The following ASCC3 variants were observed in gnomAD, a reference collection of about 807,000 sequenced individuals.
ASCC3 encodes the protein activating signal cointegrator 1 complex subunit 3, also known as ASC-1 complex subunit P200.
A neutral mutation model predicts 256.3 loss-of-function variants in ASCC3; 158 were observed. The observed-to-expected ratio is 0.62, with a 90% CI of 0.54 to 0.70. The LOEUF is 0.70. Among genes scored for constraint, ASCC3 ranks in the 30% least tolerant of loss-of-function variants. The pLI is 0.00. For missense variants in ASCC3, 2,259 were observed against 2,626.0 expected (o/e 0.86, Z 3.05); for synonymous variants, 948 against 883.4 (o/e 1.07, Z -1.30).
At chr6:100,574,448 A>C (rs1431957823) in intron 36 of ASCC3, among the ~76,000 whole-genome samples, 1 of 152,208 alleles carries the variant, frequency 6.6e-6, no homozygotes, top group Admixed American at 6.6e-5. Flanking sequence ...GAGTTTTTAT[A>C]TTATTTTTCC....
In ASCC3 at chr6:100,819,942, A is replaced by G. The variant is rs1348465059; in HGVS notation, c.802-14062T>C. Among the ~76,000 whole-genome samples, 4 of 152,132 alleles carry G rather than the reference A, an allele frequency of 2.6e-5. No homozygotes were observed. The South Asian group carries it at 6.2e-4, about 24-fold the overall frequency. On this transcript the variant is annotated intron_variant, in intron 4 of 41. Coordinates refer to ENST00000369162, the MANE Select transcript of ASCC3 (RefSeq NM_006828.4). ...AAAAAAATCAAACAAAGGAAGTATA[A>G]GAGTTCTACACTAAAAACTACAAAT...
intron 36 of ASCC3, among the ~76,000 whole-genome samples, chr6:100,554,494 G>A (rs1220163443): frequency 6.6e-6 from 1 of 152,160 alleles, no homozygotes; most frequent in Non-Finnish European, 1.5e-5. Context: ...TGCTCGATGT[G>A]AGACTAAAGA....
Position 100,625,029 on chromosome 6 carries a change from G to A in ASCC3, c.4785+163C>T, listed in dbSNP as rs1774155375. Among the ~76,000 whole-genome samples, 8 of 152,074 alleles carry A rather than the reference G, an allele frequency of 5.3e-5. No homozygotes were observed. In the South Asian group the frequency reaches 1.7e-3, roughly 32 times the overall value. On this transcript the variant is annotated intron_variant, in intron 30 of 41. Transcript: ENST00000369162. Reference sequence around the variant, plus strand: ...TGAATATACAAAATAAATATTAAGTGGGACTATAGTAGAACAAACTATAAC... The same window carrying A: ...TGAATATACAAAATAAATATTAAGTAGGACTATAGTAGAACAAACTATAAC...
intron 3 of ASCC3, among the ~76,000 whole-genome samples, chr6:100,855,396 C>T (rs546772090): frequency 1.0e-3 from 159 of 152,336 alleles, no homozygotes; most frequent in Non-Finnish European, 1.7e-3. Flanking sequence ...GGATTACAGG[C>T]GTAAGCCACT....
chr6:100,804,543 C>CT lies in ASCC3; in HGVS notation c.922+1216dup, dbSNP rs570136984. ...CTGACAAAGACCTAATATCCAGAAT[C>CT]TATAAGGAACCTAAATCAACAAGCA... On this transcript the variant is annotated intron_variant, in intron 5 of 41. Coordinates refer to ENST00000369162, the MANE Select transcript of ASCC3 (RefSeq NM_006828.4). Among the ~76,000 whole-genome samples the CT allele has an allele frequency of 4.8e-3, 737 of 152,116 alleles. 9 individuals are homozygous for CT. The highest frequency in any genetic ancestry group is 0.017 in the African/African-American group (714 of 41,502).
At chr6:100,548,386 C>G (rs1417062562) in intron 36 of ASCC3, among the ~76,000 whole-genome samples, 2 of 151,666 alleles carry the variant, frequency 1.3e-5, no homozygotes, top group Non-Finnish European at 3.0e-5. Flanking sequence ...CAAGTATATA[C>G]TACAAAAGTA....
Position 100,651,589 on chromosome 6 carries a change from A to G in ASCC3, c.3046T>C (p.Ser1016Pro). The G allele has an allele frequency of 6.3e-7, 1 of 1,585,160 alleles. No individual in the cohort carries two copies. The highest frequency in any genetic ancestry group is 8.6e-7 in the Non-Finnish European group (1 of 1,163,100). ...KTEGDIFAIV[S>P]KAEEFDQIKV... ...ATTTGATCAAATTCTTCAGCTTTGG[A>G]GACTATGGCAAAGATATCACCTTCT... The change falls in exon 19 of 42, where the codon TCC becomes CCC. Residue 1016 changes from serine (S) to proline (P), a missense_variant. Coordinates refer to ENST00000369162, the MANE Select transcript of ASCC3 (RefSeq NM_006828.4).
At chr6:100,731,557 C>T (rs1024320968) in intron 10 of ASCC3, among the ~76,000 whole-genome samples, 2 of 152,208 alleles carry the variant, frequency 1.3e-5, no homozygotes, top group African/African-American at 4.8e-5. Context: ...GCGTCTGCTA[C>T]AACTTAGAAT....
At chr6:100,670,483 T>C (rs1776687400) in intron 14 of ASCC3, among the ~76,000 whole-genome samples, 1 of 151,906 alleles carries the variant, frequency 6.6e-6, no homozygotes, top group Admixed American at 6.6e-5. Flanking sequence ...GTAAGTGTTA[T>C]ATAAGTAGTT....
chr6:100,725,558 A>T lies in ASCC3; in HGVS notation c.1883T>A (p.Val628Asp). 1 of 1,612,602 alleles carries T rather than the reference A, an allele frequency of 6.2e-7. No individual in the cohort carries two copies. Among genetic ancestry groups the T allele is most frequent in the Non-Finnish European group, 8.5e-7 (1 of 1,178,962 alleles). Residue 628 changes from valine (V) to aspartate (D), a missense_variant, in exon 11 of 42, where the codon GTT becomes GAT. Transcript: ENST00000369162. The stretch of plus-strand genomic sequence containing the variant: ...TCTTACCTGCCGTAAAGTACGGGCA[A>T]CTATGCTTTCTAATACTGGTCCTCT... The part of the protein sequence containing the change: ...EDRGPVLESI[V>D]ARTLRQVEST...
intron 14 of ASCC3, among the ~76,000 whole-genome samples, chr6:100,672,192 A>C (rs763336529): frequency 6.6e-6 from 1 of 152,052 alleles, no homozygotes; most frequent in Non-Finnish European, 1.5e-5. Flanking sequence ...TTTATTTCAA[A>C]TGTAATTAAA....
At chr6:100,691,634 G>A (rs1413930699) in intron 13 of ASCC3, among the ~76,000 whole-genome samples, 2 of 151,756 alleles carry the variant, frequency 1.3e-5, no homozygotes, top group Non-Finnish European at 1.5e-5. Context: ...ATAACATACA[G>A]AAGAAAATAA....
At chr6:100,740,632 T>C (rs1780391439) in intron 10 of ASCC3, among the ~76,000 whole-genome samples, 1 of 152,236 alleles carries the variant, frequency 6.6e-6, no homozygotes, top group Admixed American at 6.5e-5. Context: ...TGGACACATA[T>C]ATTTAGGTTA....
Position 100,620,105 on chromosome 6 carries a change from T to G in ASCC3, c.4785+5087A>C, listed in dbSNP as rs147001630. On this transcript the variant is annotated intron_variant, in intron 30 of 41. Transcript: ENST00000369162. ...TGTTTATGGGCAGCCAGTATCTGAA[T>G]GTCACCTCCTATGAGAGAAGCCAAA... 5.6e-4 allele frequency among the ~76,000 whole-genome samples: 85 copies of G among 152,272 alleles called. 1 individual carries two copies. The highest frequency in any genetic ancestry group is 1.9e-3 in the African/African-American group (81 of 41,576).
At chr6:100,701,045 C>T (rs1409641929) in intron 13 of ASCC3, among the ~76,000 whole-genome samples, 1 of 152,144 alleles carries the variant, frequency 6.6e-6, no homozygotes, top group African/African-American at 2.4e-5. Context: ...CCACCCTAAT[C>T]TCATCTTGAA....
chr6:100,810,236 A>C (rs1435452873), intron 4 of ASCC3, among the ~76,000 whole-genome samples: 1 of 152,134 alleles, frequency 6.6e-6, no homozygotes, highest in Non-Finnish European at 1.5e-5. Context: ...TGCTGGTCTT[A>C]CTAGGCAGAA....
At chr6:100,774,775 A>AT (rs1352174011) in intron 8 of ASCC3, among the ~76,000 whole-genome samples, 4 of 152,190 alleles carry the variant, frequency 2.6e-5, no homozygotes, top group African/African-American at 4.8e-5. Context: ...AAGCACTGAG[A>AT]TAACAGTTGT....
At chr6:100,673,714 T>C (rs991470538) in intron 14 of ASCC3, among the ~76,000 whole-genome samples, 4 of 152,208 alleles carry the variant, frequency 2.6e-5, no homozygotes, top group African/African-American at 4.8e-5. Context: ...AAGTGAATCC[T>C]ACTTTTCAGT....
intron 30 of ASCC3, among the ~76,000 whole-genome samples, chr6:100,623,701 A>G (rs983421797): frequency 3.3e-5 from 5 of 152,204 alleles, no homozygotes; most frequent in African/African-American, 1.2e-4. Context: ...TTGTAACTCA[A>G]TTTAGGAAAA....
Sources: gnomAD v4.1 joint callset for allele counts (sites outside exome capture counted in the v4.1 genomes callset) on GRCh38, gnomAD v4.1.1 for gene constraint, MANE v1.5 for transcripts, NCBI Gene and HGNC (gene_info 2026-07-23, HGNC 2026-07-21) for gene names.